The following XPOT variants were observed in gnomAD, a reference collection of about 807,000 sequenced individuals.
XPOT encodes exportin-T.
Under a neutral mutation model 128.2 loss-of-function variants are expected in XPOT, and 34 were observed. The observed-to-expected ratio is 0.27, with a 90% CI of 0.20 to 0.35. The LOEUF is 0.35. Among genes scored for constraint, XPOT ranks in the 10% least tolerant of loss-of-function variants. The pLI, the probability that XPOT is intolerant of heterozygous loss-of-function variation, is 1.00. For synonymous variants in XPOT, 348 were observed against 394.3 expected (o/e 0.88, Z 1.39); for missense variants, 838 against 1,125.3 (o/e 0.74, Z 3.65).
chr12:64,434,216 GGT>G (rs1284409657), intron 19 of XPOT, among the ~76,000 whole-genome samples: 1 of 152,090 alleles, frequency 6.6e-6, no homozygotes, highest in African/African-American at 2.4e-5. Flanking sequence ...TGCCCAGGCT[GGT>G]TAAACTCCTG....
chr12:64,419,153 C>T, intron 6 of XPOT, 59 bp downstream of exon 6: 1 of 1,388,220 alleles, frequency 7.2e-7, no homozygotes, highest in Non-Finnish European at 1.0e-6. Flanking sequence ...TGATAATGGG[C>T]ACATAATAAA....
At chr12:64,424,941 A>G (rs546080995) in intron 12 of XPOT, 97 bp from the exon 13 acceptor site, 7 of 1,473,248 alleles carry the variant, frequency 4.8e-6, no homozygotes, top group Middle Eastern at 2.5e-4. Flanking sequence ...TGACTTTTTA[A>G]TAATTAAAAA....
chr12:64,410,813 G>GA (rs772317703), intron 2 of XPOT, among the ~76,000 whole-genome samples: 29 of 144,036 alleles, frequency 2.0e-4, no homozygotes, highest in Admixed American at 6.6e-4. Flanking sequence ...CTGAATGATA[G>GA]AAAAATATAA....
rs1028528545 is a variant in XPOT at position 64,425,809 on chromosome 12, C to T, written c.1573-6C>T. 1 of 1,613,296 alleles carries T rather than the reference C, an allele frequency of 6.2e-7. No homozygotes were observed. The highest frequency in any genetic ancestry group is 8.5e-7 in the Non-Finnish European group (1 of 1,179,662). On this transcript the variant is annotated splice_polypyrimidine_tract_variant and splice_region_variant and intron_variant, in intron 14 of 24. Transcript: ENST00000332707. ...GCAGAAATAGTAAAAGTGTCTCCTT[C>T]TTTAGATGGCTTTCTTAGATCACAG...
intron 12 of XPOT, 149 bp downstream of exon 12, chr12:64,424,872 AT>A: frequency 7.5e-7 from 1 of 1,338,932 alleles, no homozygotes. Context: ...TGTCTTCTTG[AT>A]TTATCTTGAT....
chr12:64,424,738 AC>A lies in XPOT; in HGVS notation c.1307+16del. The A allele has an allele frequency of 6.2e-7, 1 of 1,611,856 alleles. No homozygotes were observed. The highest frequency in any genetic ancestry group is 8.5e-7 in the Non-Finnish European group (1 of 1,179,358). ...TCTACACTGCAGTAAGTTTGTCATT[AC>A]TTTTGTAACAAGCCTACTTCTTTCT... On this transcript the variant is annotated intron_variant, in intron 12 of 24. Coordinates refer to ENST00000332707, the MANE Select transcript of XPOT (RefSeq NM_007235.6).
At chr12:64,425,017 T>C (rs1206847033) in intron 12 of XPOT, 21 bp from the exon 13 acceptor site, 5 of 1,611,606 alleles carry the variant, frequency 3.1e-6, no homozygotes, top group Non-Finnish European at 3.4e-6. Flanking sequence ...TAAATCTCAC[T>C]GACATATTAT....
At chr12:64,443,618 C>T (rs1167258750) in intron 23 of XPOT, among the ~76,000 whole-genome samples, 1 of 152,050 alleles carries the variant, frequency 6.6e-6, no homozygotes, top group Non-Finnish European at 1.5e-5. Context: ...CCACACCTGG[C>T]TAGTTTTTGT....
At chr12:64,433,758 C>T (rs1379420875) in intron 19 of XPOT, among the ~76,000 whole-genome samples, 155 bp downstream of exon 19, 1 of 152,142 alleles carries the variant, frequency 6.6e-6, no homozygotes, top group African/African-American at 2.4e-5. Context: ...GAATTGATCA[C>T]TTTTATGTAA....
rs751581506 is a variant in XPOT, at chr12:64,433,397, T to C, written c.2263-17T>C. The stretch of plus-strand genomic sequence containing the variant: ...ATATTGTTACTAATTTCTGAAGTAA[T>C]GATTGTTTATCTTCAGATACAGGTA... On this transcript the variant is annotated splice_polypyrimidine_tract_variant and intron_variant, in intron 18 of 24. Transcript: ENST00000332707. 4.6e-6 allele frequency: 7 copies of C among 1,509,280 alleles called. No individual in the cohort carries two copies. In the Admixed American group the frequency reaches 6.7e-5, roughly 15 times the overall value. 93.5% of individuals were successfully genotyped at this position (1,509,280 alleles called of 1,614,324 possible). A position where few individuals can be genotyped will look rare whatever the true frequency, so the allele number is the denominator to read the frequency against.
chr12:64,423,130 C>T lies in XPOT; in HGVS notation c.1120-52C>T, dbSNP rs377265811. On this transcript the variant is annotated intron_variant, in intron 10 of 24. Transcript: ENST00000332707. ...AATGTAGCTTAATTTCAAATTATAT[C>T]AAATTAGAAGGAGACTGACAAAAAC... 44 of 1,589,224 alleles carry T rather than the reference C, an allele frequency of 2.8e-5. No individual in the cohort carries two copies. In the African/African-American group the frequency reaches 4.7e-4, roughly 17 times the overall value.
At chr12:64,436,923 A>T (rs946014827) in intron 22 of XPOT, among the ~76,000 whole-genome samples, 3 of 152,194 alleles carry the variant, frequency 2.0e-5, no homozygotes, top group African/African-American at 4.8e-5. Flanking sequence ...TAAAAATCTC[A>T]AATACTTTTT....
chr12:64,435,745 GTATC>G, intron 22 of XPOT, 71 bp downstream of exon 22: 1 of 1,427,920 alleles, frequency 7.0e-7, no homozygotes, highest in Admixed American at 2.3e-5. Context: ...CTTGAAAGAT[GTATC>G]TTGTGTAAAA....
intron 15 of XPOT, 58 bp from the exon 16 acceptor site, chr12:64,427,993 A>G (rs1237051112): frequency 8.5e-7 from 1 of 1,173,634 alleles, no homozygotes; most frequent in African/African-American, 1.5e-5. Flanking sequence ...GGAATTTGGT[A>G]TTTTAGCACT....
At chr12:64,425,583 T>C (rs986074262) in intron 14 of XPOT, 126 bp downstream of exon 14, 9 of 1,255,002 alleles carry the variant, frequency 7.2e-6, no homozygotes, top group Middle Eastern at 2.5e-4. Context: ...TGGCACACAC[T>C]GAAAGTAACC....
chr12:64,444,586 G>A (rs1282119271), intron 23 of XPOT, among the ~76,000 whole-genome samples: 4 of 152,270 alleles, frequency 2.6e-5, no homozygotes, highest in Non-Finnish European at 5.9e-5. Flanking sequence ...CCATTTGTTT[G>A]AGATATCTAA....
chr12:64,439,283 C>T lies in XPOT; in HGVS notation c.2773C>T (p.Pro925Ser). 6.2e-7 allele frequency: 1 copy of T among 1,614,030 alleles called. No homozygotes were observed. The highest frequency in any genetic ancestry group is 8.5e-7 in the Non-Finnish European group (1 of 1,179,954). The part of the protein sequence containing the change: ...CVQYLQQEYL[P>S]SLQVAPEIIQ... ...TCAGTATCTTCAACAAGAATACCTG[C>T]CCTCCTTGCAAGTAGCTCCAGAAAT... The change falls in exon 23 of 25, where the codon CCC becomes TCC. Residue 925 changes from proline to serine, a missense_variant. Pro to Ser is a moderately conservative substitution (Grantham distance 74). This residue lies in a region of XPOT where 56 missense variants were observed against 79.2 expected (regional missense o/e 0.71). Transcript: ENST00000332707.
chr12:64,436,567 A>AT (rs1163828059), intron 22 of XPOT, among the ~76,000 whole-genome samples: 1 of 151,726 alleles, frequency 6.6e-6, no homozygotes, highest in Non-Finnish European at 1.5e-5. Flanking sequence ...GGCCTTGGTT[A>AT]TTTTTTTAAT....
At chr12:64,409,894 G>A (rs539799068) in intron 1 of XPOT, 68 bp from the exon 2 acceptor site, 10 of 643,934 alleles carry the variant, frequency 1.6e-5, no homozygotes, top group South Asian at 8.0e-5. Flanking sequence ...ATCCATTTAC[G>A]TTATTCAGGA....
Sources: allele counts gnomAD v4.1 joint callset (sites outside exome capture counted in the v4.1 genomes callset), GRCh38; gene constraint gnomAD v4.1.1; regional missense constraint gnomAD v4.1.1; transcripts MANE v1.5; gene names NCBI Gene and HGNC (gene_info 2026-07-23, HGNC 2026-07-21).